Variants in KAZN observed in about 807,000 individuals in gnomAD.
KAZN encodes kazrin, periplakin interacting protein, also known as kazrin.
In KAZN, 40 loss-of-function variants were observed where a neutral mutation model predicts 87.4. The ratio of observed to expected loss-of-function variants is 0.46; its 90% CI spans 0.36 to 0.60. The LOEUF (loss-of-function observed/expected upper bound fraction) is 0.60, where lower values mean the gene tolerates loss of function less well. Ranked by LOEUF, KAZN falls within the 20% of genes least tolerant of loss-of-function variation. KAZN has a pLI of 0.00. For missense variants in KAZN, 898 were observed against 1,073.9 expected (o/e 0.84, Z 2.29); for synonymous variants, 466 against 458.3 (o/e 1.02, Z -0.22).
At chr1:15,091,727 T>C (rs541445936) in intron 8 of KAZN, among the ~76,000 whole-genome samples, 2 of 152,188 alleles carry the variant, frequency 1.3e-5, no homozygotes, top group Non-Finnish European at 2.9e-5. Flanking sequence ...TTCCAACATA[T>C]GAATGGAGCG....
intron 1 of KAZN, among the ~76,000 whole-genome samples, chr1:14,138,126 T>A (rs962221331): frequency 1.3e-5 from 2 of 148,610 alleles, no homozygotes; most frequent in African/African-American, 5.0e-5. Context: ...TCCTATATGT[T>A]AAAATGCGTT....
At chr1:14,834,010 T>C (rs199684238) in intron 1 of KAZN, among the ~76,000 whole-genome samples, 81 of 103,696 alleles carry the variant, frequency 7.8e-4, no homozygotes, top group African/African-American at 1.3e-3. Flanking sequence ...CACACACACA[T>C]ACACACACAT....
At chr1:15,048,975 A>T (rs559667919) in intron 4 of KAZN, among the ~76,000 whole-genome samples, 1 of 152,164 alleles carries the variant, frequency 6.6e-6, no homozygotes, top group Non-Finnish European at 1.5e-5. Flanking sequence ...GTCTAATTCC[A>T]GAACAGTTGC....
chr1:14,812,844 T>C (rs763061437), intron 1 of KAZN, among the ~76,000 whole-genome samples: 5 of 152,196 alleles, frequency 3.3e-5, no homozygotes, highest in Non-Finnish European at 5.9e-5. Flanking sequence ...GATGAAGTTT[T>C]AGCCTGTGAA....
At chr1:14,957,486 C>T (rs991646548) in intron 1 of KAZN, among the ~76,000 whole-genome samples, 20 of 152,234 alleles carry the variant, frequency 1.3e-4, no homozygotes, top group Admixed American at 8.5e-4. Flanking sequence ...GCAGGATATG[C>T]GATTGGGCCC....
intron 1 of KAZN, among the ~76,000 whole-genome samples, chr1:14,844,990 T>C (rs2100948598): frequency 6.6e-6 from 1 of 151,806 alleles, no homozygotes; most frequent in Non-Finnish European, 1.5e-5. Context: ...GATGGATGGA[T>C]GAATGAATAA....
At chr1:15,073,329 G>A (rs577691776) in intron 8 of KAZN, among the ~76,000 whole-genome samples, 85 of 152,324 alleles carry the variant, frequency 5.6e-4, no homozygotes, top group Non-Finnish European at 9.3e-4. Context: ...AGCTGTGTGC[G>A]TATTGAACAA....
intron 1 of KAZN, among the ~76,000 whole-genome samples, chr1:14,698,702 C>T (rs564598745): frequency 7.2e-5 from 11 of 152,318 alleles, no homozygotes; most frequent in East Asian, 3.9e-4. Flanking sequence ...GCTAAAACAC[C>T]GCCTCCTCAG....
At chr1:14,580,993 T>A (rs1410030678) in intron 2 of KAZN, among the ~76,000 whole-genome samples, 1 of 152,140 alleles carries the variant, frequency 6.6e-6, no homozygotes, top group Non-Finnish European at 1.5e-5. Flanking sequence ...CCTTGACCTC[T>A]AAATATTGGG....
intron 1 of KAZN, among the ~76,000 whole-genome samples, chr1:14,845,598 G>T (rs1648656572): frequency 6.6e-6 from 1 of 151,796 alleles, no homozygotes; most frequent in African/African-American, 2.4e-5. Context: ...TGGATGGATG[G>T]AGTAAACAAT....
intron 2 of KAZN, among the ~76,000 whole-genome samples, chr1:14,360,904 G>C (rs972103057): frequency 4.6e-5 from 7 of 152,306 alleles, no homozygotes; most frequent in South Asian, 2.1e-4. Flanking sequence ...TCCCAGTCAG[G>C]ATGCACGGGG....
intron 2 of KAZN, among the ~76,000 whole-genome samples, chr1:14,592,122 C>A (rs1054575170): frequency 2.0e-5 from 3 of 152,150 alleles, no homozygotes; most frequent in Non-Finnish European, 4.4e-5. Flanking sequence ...CATGTTAAAA[C>A]CCACTCAGAC....
intron 2 of KAZN, among the ~76,000 whole-genome samples, chr1:14,574,415 G>A (rs147367776): frequency 0.021 from 3,169 of 152,288 alleles, 51 homozygotes; most frequent in Non-Finnish European, 0.032. Context: ...CCCAGTGGAA[G>A]ATAATAGAAT....
At chr1:14,213,025 C>G (rs887382922) in intron 2 of KAZN, among the ~76,000 whole-genome samples, 3 of 152,152 alleles carry the variant, frequency 2.0e-5, no homozygotes, top group Non-Finnish European at 2.9e-5. Flanking sequence ...GTACACTCCA[C>G]TTTTCAGGAA....
At chr1:14,891,966 C>T (rs560150215) in intron 1 of KAZN, among the ~76,000 whole-genome samples, 1 of 152,262 alleles carries the variant, frequency 6.6e-6, no homozygotes, top group African/African-American at 2.4e-5. Flanking sequence ...AGTCTTACAT[C>T]TGGCCCTGCC....
chr1:14,921,153 A>AACACACACACACAC lies in KAZN; in HGVS notation c.227-39509_227-39496dup, dbSNP rs55766387. On this transcript the variant is annotated intron_variant, in intron 1 of 14. Coordinates refer to ENST00000376030, the MANE Select transcript of KAZN (RefSeq NM_201628.3). ...TCTGCAGTCCTGGGCCTGAGCATGC[A>AACACACACACACAC]ACACACACACACACACACACACACA... is the stretch of plus-strand genomic sequence containing the variant. 9.2e-3 allele frequency among the ~76,000 whole-genome samples: 1,330 copies of AACACACACACACAC among 144,472 alleles called. 14 individuals carry two copies. The highest frequency in any genetic ancestry group is 0.02 in the African/African-American group (766 of 38,886). The allele number at this position is 144,472 out of a possible 152,430, so 94.8% of individuals were successfully genotyped here.
At chr1:14,180,326 G>A (rs1428814491) in intron 1 of KAZN, 3 of 893,508 alleles carry the variant, frequency 3.4e-6, no homozygotes, top group Non-Finnish European at 5.1e-6. Flanking sequence ...TACATGCCTG[G>A]CTTAGACCTT....
intron 2 of KAZN, among the ~76,000 whole-genome samples, chr1:14,312,211 TA>T (rs766622326): frequency 6.6e-6 from 1 of 152,190 alleles, no homozygotes; most frequent in Non-Finnish European, 1.5e-5. Flanking sequence ...TGTGTGACAT[TA>T]GACAAGTTAC....
intron 10 of KAZN, among the ~76,000 whole-genome samples, chr1:15,095,946 C>G (rs1240555375): frequency 6.6e-6 from 1 of 152,166 alleles, no homozygotes; most frequent in African/African-American, 2.4e-5. Flanking sequence ...AAGAAGGTGC[C>G]AGGCCTCATT....
Sources: allele counts gnomAD v4.1 joint callset (sites outside exome capture counted in the v4.1 genomes callset), GRCh38; gene constraint gnomAD v4.1.1; transcripts MANE v1.5; gene names NCBI Gene and HGNC (gene_info 2026-07-23, HGNC 2026-07-21).